Variants in PPP1R13B observed in about 807,000 individuals in gnomAD.
PPP1R13B encodes the protein protein phosphatase 1 regulatory subunit 13B.
In PPP1R13B, 44 loss-of-function variants were observed where a neutral mutation model predicts 119.8. The ratio of observed to expected loss-of-function variants is 0.37; its 90% CI spans 0.29 to 0.47. The LOEUF (loss-of-function observed/expected upper bound fraction) is 0.47, where lower values mean the gene tolerates loss of function less well. Among genes scored for constraint, PPP1R13B ranks in the 20% least tolerant of loss-of-function variants. The pLI is 0.99. For missense variants in PPP1R13B, 1,227 were observed against 1,413.5 expected, an observed-to-expected ratio of 0.87 and a Z score of 2.12; for synonymous variants, 542 against 561.5, an observed-to-expected ratio of 0.97 and a Z score of 0.49.
intron 3 of PPP1R13B, among the ~76,000 whole-genome samples, chr14:103,782,948 A>G (rs1235570778): frequency 6.6e-6 from 1 of 151,328 alleles, no homozygotes; most frequent in East Asian, 2.0e-4. Flanking sequence ...GGGATTACAG[A>G]TGCATGCCAC....
intron 1 of PPP1R13B, among the ~76,000 whole-genome samples, chr14:103,826,936 C>G (rs377340720): frequency 1.3e-5 from 2 of 151,436 alleles, no homozygotes; most frequent in Admixed American, 1.3e-4. Context: ...GGCATGAACC[C>G]GGGAGGCAGA....
chr14:103,770,401 G>C lies in PPP1R13B; in HGVS notation c.354+8344C>G, dbSNP rs150984845. Among the ~76,000 whole-genome samples, 1,056 of 152,196 alleles carry C rather than the reference G, an allele frequency of 6.9e-3. 15 individuals carry two copies. The highest frequency in any genetic ancestry group is 0.024 in the African/African-American group (1,003 of 41,552). On this transcript the variant is annotated intron_variant, in intron 4 of 16. Transcript: ENST00000202556. ...GTGGTGGCGCATGCCTGTAGTCCCA[G>C]CTACGTGGGAGGCTGAGGCAGGAGA...
In PPP1R13B at chr14:103,734,493, G is replaced by A; in HGVS notation, c.*661C>T. The A allele has an allele frequency of 2.2e-6, 1 of 456,254 alleles. No homozygotes were observed. Among genetic ancestry groups the A allele is most frequent in the Non-Finnish European group, 4.4e-6 (1 of 226,756 alleles). 28.3% of individuals were successfully genotyped at this position (456,254 alleles called of 1,614,324 possible). On this transcript the variant is annotated 3_prime_UTR_variant, in exon 17 of 17. Coordinates refer to ENST00000202556, the MANE Select transcript of PPP1R13B (RefSeq NM_015316.3). ...CTCTCCCAGTTGTCACTTGGTCTTAGGGGTCCTGGTGCCCGTGGCGCGGCA... is the reference window on the plus strand; with the variant it reads ...CTCTCCCAGTTGTCACTTGGTCTTAAGGGTCCTGGTGCCCGTGGCGCGGCA...
intron 1 of PPP1R13B, among the ~76,000 whole-genome samples, chr14:103,842,303 T>A (rs1439830457): frequency 1.6e-5 from 2 of 128,274 alleles, no homozygotes; most frequent in Admixed American, 7.9e-5. Flanking sequence ...AGTGCCTTCT[T>A]TTTTTTTTTT....
chr14:103,782,472 C>G (rs2085359851), intron 3 of PPP1R13B, among the ~76,000 whole-genome samples: 1 of 152,210 alleles, frequency 6.6e-6, no homozygotes, highest in Non-Finnish European at 1.5e-5. Flanking sequence ...TGCCAGGGCA[C>G]AGCTTTAGGA....
intron 1 of PPP1R13B, among the ~76,000 whole-genome samples, chr14:103,805,717 C>T (rs756267116): frequency 6.6e-6 from 1 of 152,184 alleles, no homozygotes; most frequent in Non-Finnish European, 1.5e-5. Flanking sequence ...AGTATTGACA[C>T]ATGCTACAAC....
rs547275953 is a variant in PPP1R13B, at chr14:103,799,753, A to C, written c.10-2235T>G. Among the ~76,000 whole-genome samples, 4 of 152,134 alleles carry C rather than the reference A, an allele frequency of 2.6e-5. No homozygotes were observed. The South Asian group carries it at 8.3e-4, about 32-fold the overall frequency. On this transcript the variant is annotated intron_variant, in intron 1 of 16. Transcript: ENST00000202556. Reference sequence around the variant, plus strand: ...GAGATACTTTAAAAACAATACACCTAAAGTAAAAATTAGGCTAGGCATGGT... The same window carrying C: ...GAGATACTTTAAAAACAATACACCTCAAGTAAAAATTAGGCTAGGCATGGT...
At chr14:103,767,906 A>G (rs1229672239) in intron 4 of PPP1R13B, among the ~76,000 whole-genome samples, 1 of 152,078 alleles carries the variant, frequency 6.6e-6, no homozygotes, top group African/African-American at 2.4e-5. Context: ...CACTTTTACT[A>G]CACTTTTCAT....
chr14:103,798,297 G>T (rs987286743), intron 1 of PPP1R13B, among the ~76,000 whole-genome samples: 4 of 151,480 alleles, frequency 2.6e-5, no homozygotes, highest in Non-Finnish European at 4.4e-5. Context: ...GACTACAGGC[G>T]CCCGCCACCA....
chr14:103,825,563 G>A (rs2086518997), intron 1 of PPP1R13B, among the ~76,000 whole-genome samples: 2 of 152,206 alleles, frequency 1.3e-5, no homozygotes, highest in South Asian at 4.1e-4. Context: ...TCAATAAAAT[G>A]AGCTATAACA....
intron 1 of PPP1R13B, among the ~76,000 whole-genome samples, chr14:103,803,663 A>AAT (rs1567136477): frequency 5.6e-4 from 85 of 151,110 alleles, no homozygotes; most frequent in African/African-American, 2.0e-3. Flanking sequence ...AAATAAATAA[A>AAT]TAATTAATTA....
chr14:103,776,808 C>T (rs911317187), intron 4 of PPP1R13B, among the ~76,000 whole-genome samples: 2 of 150,436 alleles, frequency 1.3e-5, no homozygotes, highest in Admixed American at 6.6e-5. Flanking sequence ...GGAGGCGGAG[C>T]TTGCAGTGAG....
chr14:103,819,394 G>A (rs921983108), intron 1 of PPP1R13B, among the ~76,000 whole-genome samples: 2 of 152,092 alleles, frequency 1.3e-5, no homozygotes, highest in South Asian at 4.2e-4. Context: ...CTACTTGGGA[G>A]GCTGAGGTGG....
chr14:103,752,355 C>G (rs949961792), intron 7 of PPP1R13B, among the ~76,000 whole-genome samples: 2 of 152,022 alleles, frequency 1.3e-5, no homozygotes, highest in African/African-American at 4.8e-5. Context: ...GGCTGCCAGG[C>G]TCTGGAGGGT....
intron 4 of PPP1R13B, among the ~76,000 whole-genome samples, chr14:103,768,116 T>G (rs2084978142): frequency 9.0e-6 from 1 of 111,622 alleles, no homozygotes; most frequent in South Asian, 2.5e-4. Flanking sequence ...CCTGAGTGTC[T>G]TCTTTTTTTT....
chr14:103,841,223 T>C (rs1185954327), intron 1 of PPP1R13B, among the ~76,000 whole-genome samples: 10 of 149,356 alleles, frequency 6.7e-5, no homozygotes, highest in African/African-American at 2.2e-4. Context: ...AGATGGAGGT[T>C]GCAGTGGGCT....
At chr14:103,818,321 T>C (rs759524713) in intron 1 of PPP1R13B, among the ~76,000 whole-genome samples, 1 of 152,200 alleles carries the variant, frequency 6.6e-6, no homozygotes, top group African/African-American at 2.4e-5. Context: ...ATCTACAATT[T>C]GTAGAATTTC....
At chr14:103,788,742 G>A (rs1207152081) in intron 2 of PPP1R13B, among the ~76,000 whole-genome samples, 2 of 151,628 alleles carry the variant, frequency 1.3e-5, no homozygotes, top group Non-Finnish European at 2.9e-5. Flanking sequence ...CTAGAGTTCC[G>A]TAAGATGTCA....
chr14:103,789,973 C>T (rs977022590), intron 2 of PPP1R13B, among the ~76,000 whole-genome samples: 11 of 151,842 alleles, frequency 7.2e-5, no homozygotes, highest in African/African-American at 2.7e-4. Context: ...AGGCCGGGCC[C>T]GGTGGCTCAC....
Sources: gnomAD v4.1 joint callset for allele counts (sites outside exome capture counted in the v4.1 genomes callset) on GRCh38, gnomAD v4.1.1 for gene constraint, MANE v1.5 for transcripts, NCBI Gene and HGNC (gene_info 2026-07-23, HGNC 2026-07-21) for gene names.